CTNNA1: variants seen among roughly 807,000 people sequenced by gnomAD.
CTNNA1 encodes the protein catenin alpha 1, also known as catenin alpha-1.
In CTNNA1, 37 loss-of-function variants were observed where a neutral mutation model predicts 98.4. The observed-to-expected ratio is 0.38, with a 90% CI of 0.29 to 0.49. The LOEUF is 0.49. Among genes scored for constraint, CTNNA1 ranks in the 20% least tolerant of loss-of-function variants. CTNNA1 has a pLI of 0.95. For synonymous variants in CTNNA1, 404 were observed against 413.2 expected, an observed-to-expected ratio of 0.98 and a Z score of 0.27; for missense variants, 761 against 1,147.2, an observed-to-expected ratio of 0.66 and a Z score of 4.86.
At chr5:138,764,438 GA>G (rs890430102) in intron 1 of CTNNA1, among the ~76,000 whole-genome samples, 2 of 151,318 alleles carry the variant, frequency 1.3e-5, no homozygotes, top group African/African-American at 2.4e-5. Context: ...CCTTGGGAGG[GA>G]AAAAAAAGTG....
At chr5:138,910,412 G>A (rs116531441) in intron 10 of CTNNA1, among the ~76,000 whole-genome samples, 2,082 of 150,664 alleles carry the variant, frequency 0.014, 53 homozygotes, top group African/African-American at 0.048. Context: ...GGATATTTAG[G>A]GTTTTTTTAA....
chr5:138,775,240 C>A (rs1211727057), intron 1 of CTNNA1, among the ~76,000 whole-genome samples: 1 of 152,174 alleles, frequency 6.6e-6, no homozygotes, highest in Non-Finnish European at 1.5e-5. Context: ...AATAGTTCTT[C>A]TGAAATGTCT....
intron 7 of CTNNA1, among the ~76,000 whole-genome samples, chr5:138,877,548 C>T (rs547393596): frequency 1.4e-4 from 22 of 151,822 alleles, no homozygotes; most frequent in Admixed American, 3.3e-4. Flanking sequence ...CCCGGGTTCA[C>T]GCCATTCTCC....
chr5:138,933,693 G>A, intron 17 of CTNNA1, 109 bp from the exon 18 acceptor site: 1 of 1,152,046 alleles, frequency 8.7e-7, no homozygotes. Context: ...ACCTGCCCAG[G>A]CCCTGGTCTT....
At position 138,925,344 on chromosome 5, in the gene CTNNA1, C is replaced by T. The variant is rs759003621; in HGVS notation, c.1836C>T (p.Ile612=). 15 of 1,613,994 alleles carry T rather than the reference C, an allele frequency of 9.3e-6. No individual in the cohort carries two copies. The highest frequency in any genetic ancestry group is 5.5e-5 in the South Asian group (5 of 91,078). The change falls in exon 13 of 18, where the codon ATC becomes ATT. Residue 612 remains isoleucine, a synonymous_variant. Coordinates refer to ENST00000302763, the MANE Select transcript of CTNNA1 (RefSeq NM_001903.5). ...PAQPMDENEF[I]DASRLVYDGI... is the part of the protein sequence containing the mutation. ...AGCCCATGGATGAGAATGAGTTTATCGATGCTTCCCGCCTGGTATATGATG... is the reference window on the plus strand; with the variant it reads ...AGCCCATGGATGAGAATGAGTTTATTGATGCTTCCCGCCTGGTATATGATG...
intron 11 of CTNNA1, among the ~76,000 whole-genome samples, chr5:138,920,422 C>T (rs1254306416): frequency 6.6e-6 from 1 of 152,246 alleles, no homozygotes; most frequent in Non-Finnish European, 1.5e-5. Context: ...GGCCCTGCCA[C>T]ATTTGCCAGT....
chr5:138,796,398 G>A (rs1756973754), intron 3 of CTNNA1, among the ~76,000 whole-genome samples: 1 of 151,958 alleles, frequency 6.6e-6, no homozygotes, highest in Non-Finnish European at 1.5e-5. Context: ...CAAAAAATTA[G>A]CCAGGCGCGG....
intron 10 of CTNNA1, among the ~76,000 whole-genome samples, chr5:138,915,167 T>G (rs1761470591): frequency 6.6e-6 from 1 of 151,930 alleles, no homozygotes; most frequent in Non-Finnish European, 1.5e-5. Context: ...TAAAATAAAA[T>G]AAATACATTT....
At chr5:138,903,429 G>C (rs1758524239) in intron 9 of CTNNA1, among the ~76,000 whole-genome samples, 1 of 152,136 alleles carries the variant, frequency 6.6e-6, no homozygotes, top group African/African-American at 2.4e-5. Context: ...AACTCAGTTT[G>C]CAACTGGGGT....
Position 138,874,315 on chromosome 5 carries a change from G to A in CTNNA1, c.1063-11897G>A. Reference sequence around the variant, plus strand: ...GGAGCCAAGTAAGTTGACTGAAGCTGGCAAATTGATCTCTTTCGAGCTCTG... The same window carrying A: ...GGAGCCAAGTAAGTTGACTGAAGCTAGCAAATTGATCTCTTTCGAGCTCTG... On this transcript the variant is annotated intron_variant, in intron 7 of 17. Coordinates refer to ENST00000302763, the MANE Select transcript of CTNNA1 (RefSeq NM_001903.5). The surrounding 1 kb of genome is among the most constrained non-coding windows in gnomAD (Gnocchi z 4.1). 1 of 1,614,020 alleles carries A rather than the reference G, an allele frequency of 6.2e-7. No individual in the cohort carries two copies. The highest frequency in any genetic ancestry group is 8.5e-7 in the Non-Finnish European group (1 of 1,179,900).
At chr5:138,769,379 G>A (rs956221537) in intron 1 of CTNNA1, among the ~76,000 whole-genome samples, 4 of 150,466 alleles carry the variant, frequency 2.7e-5, no homozygotes, top group African/African-American at 9.7e-5. Flanking sequence ...TTATTTTTGG[G>A]TTATTATTAT....
chr5:138,925,196 G>A, intron 12 of CTNNA1, 60 bp from the exon 13 acceptor site: 1 of 1,573,126 alleles, frequency 6.4e-7, no homozygotes, highest in Non-Finnish European at 8.6e-7. Context: ...GATTCAGGGA[G>A]GGCCAGGGGA....
intron 7 of CTNNA1, among the ~76,000 whole-genome samples, chr5:138,865,051 A>G (rs1267280539): frequency 6.6e-6 from 1 of 151,980 alleles, no homozygotes; most frequent in African/African-American, 2.4e-5. Flanking sequence ...TGACCTCGTG[A>G]TCCACCCGCC....
intron 17 of CTNNA1, 191 bp downstream of exon 17, chr5:138,932,903 G>A (rs776422787): frequency 1.1e-5 from 9 of 819,844 alleles, no homozygotes; most frequent in African/African-American, 6.7e-5. Flanking sequence ...TGACACCTGC[G>A]GGGCACTGCA....
intron 16 of CTNNA1, chr5:138,931,540 A>G (rs946970756): frequency 1.0e-6 from 1 of 955,000 alleles, no homozygotes; most frequent in African/African-American, 1.8e-5. Context: ...ACACAAGCCA[A>G]AGATTGTAAA....
intron 7 of CTNNA1, among the ~76,000 whole-genome samples, chr5:138,839,765 T>G (rs1018633989): frequency 6.6e-6 from 1 of 152,224 alleles, no homozygotes; most frequent in African/African-American, 2.4e-5. Flanking sequence ...ATTTATTACA[T>G]TTAGCCAGAA....
intron 7 of CTNNA1, among the ~76,000 whole-genome samples, chr5:138,882,797 TTAATCTC>T: frequency 6.6e-6 from 1 of 152,360 alleles, no homozygotes; most frequent in Middle Eastern, 3.4e-3. Flanking sequence ...AATCATAACT[TTAATCTC>T]AAAAGAAGTA....
At chr5:138,857,796 A>T (rs1332893616) in intron 7 of CTNNA1, among the ~76,000 whole-genome samples, 2 of 152,236 alleles carry the variant, frequency 1.3e-5, no homozygotes, top group African/African-American at 4.8e-5. Context: ...CCAGAATTTG[A>T]GCCCTTAACC....
intron 7 of CTNNA1, among the ~76,000 whole-genome samples, chr5:138,859,802 G>A (rs1385922205): frequency 6.6e-6 from 1 of 152,056 alleles, no homozygotes; most frequent in East Asian, 1.9e-4. Context: ...CAGCTACTTG[G>A]GAGGCTGAGG....
Sources: allele counts gnomAD v4.1 joint callset (sites outside exome capture counted in the v4.1 genomes callset), GRCh38; gene constraint gnomAD v4.1.1; non-coding constraint Gnocchi (gnomAD v3.1); transcripts MANE v1.5; gene names NCBI Gene and HGNC (gene_info 2026-07-23, HGNC 2026-07-21).